The following AGMO variants were observed in gnomAD, a reference collection of about 807,000 sequenced individuals.
AGMO encodes the protein alkylglycerol monooxygenase, also known as glyceryl-ether monooxygenase.
In AGMO, 75 loss-of-function variants were observed where a neutral mutation model predicts 60.2. The ratio of observed to expected loss-of-function variants is 1.25; its 90% CI spans 1.03 to 1.51. The LOEUF (loss-of-function observed/expected upper bound fraction) is 1.51. Among genes scored for constraint, AGMO ranks in the 40% most tolerant of loss-of-function variants. The probability of loss-of-function intolerance (pLI) is 0.00; values close to 1 mark genes in which losing one functional copy is unlikely to be tolerated. For missense variants in AGMO, 763 were observed against 525.5 expected (o/e 1.45, Z -4.42); for synonymous variants, 261 against 177.1 (o/e 1.47, Z -3.76).
intron 3 of AGMO, among the ~76,000 whole-genome samples, chr7:15,504,236 A>T (rs186552107): frequency 1.3e-5 from 2 of 152,176 alleles, no homozygotes; most frequent in East Asian, 3.9e-4. Context: ...TAAATGCTAT[A>T]TCTTCTCCTT....
chr7:15,431,240 T>C (rs1583545194), intron 3 of AGMO, 132 bp from the exon 4 acceptor site: 1 of 626,302 alleles, frequency 1.6e-6, no homozygotes, highest in East Asian at 2.9e-5. Context: ...GCCAATATAA[T>C]TATAATTAAA....
At chr7:15,325,737 C>T (rs989064920) in intron 12 of AGMO, among the ~76,000 whole-genome samples, 6 of 149,918 alleles carry the variant, frequency 4.0e-5, no homozygotes, top group Admixed American at 6.6e-5. Context: ...TTGAGTCATC[C>T]AAATTTTGTC....
chr7:15,148,768 T>C, the AGMO span, among the ~76,000 whole-genome samples: 2 of 152,290 alleles, frequency 1.3e-5, no homozygotes, highest in Middle Eastern at 3.4e-3. Context: ...TTATGAATAG[T>C]GCTAGGATTA....
At chr7:15,170,586 A>C in the AGMO span, among the ~76,000 whole-genome samples, 1 of 152,180 alleles carries the variant, frequency 6.6e-6, no homozygotes, top group Non-Finnish European at 1.5e-5. Context: ...TAATTAGTTT[A>C]AATTTACAGA....
chr7:15,491,553 C>A (rs924829336), intron 3 of AGMO, among the ~76,000 whole-genome samples: 2 of 152,174 alleles, frequency 1.3e-5, no homozygotes, highest in Non-Finnish European at 2.9e-5. Flanking sequence ...ACTATTAACT[C>A]ATTTAACTCA....
rs544639598 is a variant in AGMO at position 15,381,500 on chromosome 7, G to A, written c.1074+3946C>T. On this transcript the variant is annotated intron_variant, in intron 10 of 12. Transcript: ENST00000342526. Reference sequence around the variant, plus strand: ...TGTACCATCTCCCACCAGTCAGACTGGGTATTATTAAAAACTCAAAAAATA... The same window carrying A: ...TGTACCATCTCCCACCAGTCAGACTAGGTATTATTAAAAACTCAAAAAATA... Among the ~76,000 whole-genome samples the A allele has an allele frequency of 1.2e-4, 18 of 152,194 alleles. No individual in the cohort carries two copies. In the South Asian group the frequency reaches 2.7e-3, roughly 23 times the overall value.
intron 2 of AGMO, among the ~76,000 whole-genome samples, chr7:15,551,957 G>C (rs1784972323): frequency 1.3e-5 from 2 of 151,616 alleles, no homozygotes; most frequent in African/African-American, 4.8e-5. Context: ...GCATGGTACT[G>C]GTACCAAAAC....
intron 12 of AGMO, among the ~76,000 whole-genome samples, chr7:15,305,416 T>A (rs1380738039): frequency 6.6e-6 from 1 of 151,986 alleles, no homozygotes. Context: ...TTTCCGTGCA[T>A]CTGGGTTCAC....
intron 5 of AGMO, among the ~76,000 whole-genome samples, chr7:15,395,836 G>A (rs775811541): frequency 6.6e-6 from 1 of 152,264 alleles, no homozygotes; most frequent in Non-Finnish European, 1.5e-5. Flanking sequence ...AGGAGCGTTT[G>A]TTTTTTGACA....
intron 10 of AGMO, among the ~76,000 whole-genome samples, chr7:15,371,712 G>C (rs1046985309): frequency 9.8e-6 from 1 of 101,548 alleles, no homozygotes; most frequent in Non-Finnish European, 2.0e-5. Flanking sequence ...GCTGATTTTT[G>C]TATTTTTTTT....
chr7:15,214,927 G>C (rs772067838), intron 12 of AGMO, among the ~76,000 whole-genome samples: 29 of 151,884 alleles, frequency 1.9e-4, no homozygotes, highest in Non-Finnish European at 3.8e-4. Context: ...ACATCTTTTT[G>C]TATCTCTTGC....
chr7:15,407,650 C>T (rs1200456597), intron 5 of AGMO, among the ~76,000 whole-genome samples: 2 of 151,750 alleles, frequency 1.3e-5, no homozygotes, highest in Admixed American at 1.3e-4. Context: ...TTAACTCTAG[C>T]AATAATTATC....
intron 12 of AGMO, among the ~76,000 whole-genome samples, chr7:15,296,392 G>C (rs562609684): frequency 3.3e-4 from 50 of 152,234 alleles, no homozygotes; most frequent in Non-Finnish European, 5.9e-4. Flanking sequence ...TAACCACATA[G>C]AATTTTTCCA....
chr7:15,374,516 G>A lies in AGMO; in HGVS notation c.1075-8294C>T, dbSNP rs148155656. 4.0e-3 allele frequency among the ~76,000 whole-genome samples: 605 copies of A among 152,050 alleles called. 6 individuals are homozygous for A. Among genetic ancestry groups the A allele is most frequent in the Middle Eastern group, 0.017 (5 of 294 alleles). On this transcript the variant is annotated intron_variant, in intron 10 of 12. Transcript: ENST00000342526. ...TATTAGATATGTAACAATTATATTT[G>A]ACACTATGGTTCTACTCCATTAAAA... is the stretch of plus-strand genomic sequence containing the variant.
At chr7:15,149,061 CTAA>C in the AGMO span, among the ~76,000 whole-genome samples, 1 of 152,124 alleles carries the variant, frequency 6.6e-6, no homozygotes, top group South Asian at 2.1e-4. Flanking sequence ...TTGCATTTCC[CTAA>C]TGATTAGTGA....
At chr7:15,438,633 G>C (rs576176915) in intron 3 of AGMO, among the ~76,000 whole-genome samples, 2 of 151,934 alleles carry the variant, frequency 1.3e-5, no homozygotes, top group African/African-American at 4.8e-5. Flanking sequence ...TCACGGTCTC[G>C]CTGTTCCTCT....
chr7:15,359,284 G>A lies in AGMO; in HGVS notation c.1263+6230C>T, dbSNP rs1185940441. 5.2e-4 allele frequency among the ~76,000 whole-genome samples: 57 copies of A among 110,540 alleles called. 2 individuals carry two copies. Among genetic ancestry groups the A allele is most frequent in the Admixed American group, 4.6e-3 (45 of 9,866 alleles). The allele number at this position is 110,540 out of a possible 152,430, so 72.5% of individuals were successfully genotyped here. A position where few individuals can be genotyped will look rare whatever the true frequency, so the allele number is the denominator to read the frequency against. ...AGCCTCAGCAACAGAGCAAGACTCC[G>A]TCTCAACAAAAAAAAAAAAAAAAGA... On this transcript the variant is annotated intron_variant, in intron 12 of 12. Coordinates refer to ENST00000342526, the MANE Select transcript of AGMO (RefSeq NM_001004320.2).
chr7:15,172,363 C>G, the AGMO span, among the ~76,000 whole-genome samples: 1 of 152,240 alleles, frequency 6.6e-6, no homozygotes, highest in East Asian at 1.9e-4. Context: ...TCTTCCAGAG[C>G]CATCACTGGG....
intron 12 of AGMO, among the ~76,000 whole-genome samples, chr7:15,202,112 A>C (rs1276390399): frequency 6.6e-6 from 1 of 152,104 alleles, no homozygotes; most frequent in African/African-American, 2.4e-5. Flanking sequence ...TGATGAAAGC[A>C]AACAATGCCA....
Sources: gnomAD v4.1 joint callset for allele counts (sites outside exome capture counted in the v4.1 genomes callset) on GRCh38, gnomAD v4.1.1 for gene constraint, MANE v1.5 for transcripts, NCBI Gene and HGNC (gene_info 2026-07-23, HGNC 2026-07-21) for gene names.